Variants in PPA2 observed in about 807,000 individuals in gnomAD.
PPA2 encodes the protein inorganic pyrophosphatase 2.
PPA2 carries 48 observed loss-of-function variants against 49.5 expected under a neutral mutation model. The ratio of observed to expected loss-of-function variants is 0.97; its 90% CI spans 0.77 to 1.23. PPA2 has a LOEUF of 1.23. Ranked by LOEUF, PPA2 falls within the 50% of genes most tolerant of loss-of-function variation. The pLI is 0.00. For synonymous variants in PPA2, 131 were observed against 139.9 expected, an observed-to-expected ratio of 0.94 and a Z score of 0.45; for missense variants, 429 against 410.1, an observed-to-expected ratio of 1.05 and a Z score of -0.40.
At chr4:105,468,078 G>T (rs1723379197) in intron 1 of PPA2, among the ~76,000 whole-genome samples, 1 of 152,148 alleles carries the variant, frequency 6.6e-6, no homozygotes, top group African/African-American at 2.4e-5. Context: ...CACATGGCCT[G>T]GTTTTATTTT....
Position 105,438,042 on chromosome 4 carries a change from AT to A in PPA2, c.442-7del, listed in dbSNP as rs753176486. The A allele has an allele frequency of 4.8e-4, 707 of 1,485,956 alleles. No homozygotes were observed. Among genetic ancestry groups the A allele is most frequent in the Admixed American group, 7.9e-4 (40 of 50,352 alleles). The allele number at this position is 1,485,956 out of a possible 1,614,324, so 92.0% of individuals were successfully genotyped here. On this transcript the variant is annotated splice_region_variant and splice_polypyrimidine_tract_variant and intron_variant, in intron 5 of 11. Transcript: ENST00000341695. Reference sequence around the variant, plus strand: ...TCATGGGGATCTTCCCAAGTCTAAAATTTTTTTTTTAAAAAAAAGCAGAAAT... The same window carrying A: ...TCATGGGGATCTTCCCAAGTCTAAAATTTTTTTTTAAAAAAAAGCAGAAAT...
intron 6 of PPA2, among the ~76,000 whole-genome samples, chr4:105,428,894 A>T (rs1235534493): frequency 1.3e-5 from 2 of 152,244 alleles, no homozygotes; most frequent in Non-Finnish European, 2.9e-5. Context: ...TCACAGAAGA[A>T]ATGAAAACAG....
chr4:105,399,944 C>T (rs1734292109), intron 7 of PPA2, among the ~76,000 whole-genome samples: 1 of 152,140 alleles, frequency 6.6e-6, no homozygotes, highest in South Asian at 2.1e-4. Context: ...TCCATCCTGT[C>T]CAAGACATGA....
intron 7 of PPA2, among the ~76,000 whole-genome samples, chr4:105,419,721 T>A (rs1185424333): frequency 6.6e-6 from 1 of 151,996 alleles, no homozygotes; most frequent in Non-Finnish European, 1.5e-5. Flanking sequence ...TTAATTAGGA[T>A]CAAAAAAGTT....
chr4:105,466,114 T>C (rs938809331), intron 1 of PPA2, among the ~76,000 whole-genome samples: 5 of 152,170 alleles, frequency 3.3e-5, no homozygotes, highest in Admixed American at 6.5e-5. Flanking sequence ...ACTGACTTAC[T>C]TGTTTTAACA....
intron 1 of PPA2, chr4:105,473,461 A>T (rs762211316): frequency 5.2e-6 from 2 of 383,374 alleles, no homozygotes. Context: ...CCGCAGTAGG[A>T]GGTTTCTTAC....
intron 3 of PPA2, among the ~76,000 whole-genome samples, chr4:105,453,174 G>A (rs1366341932): frequency 6.6e-6 from 1 of 152,130 alleles, no homozygotes; most frequent in Non-Finnish European, 1.5e-5. Flanking sequence ...AAAATGAAGT[G>A]GAAATGAAAT....
intron 7 of PPA2, among the ~76,000 whole-genome samples, chr4:105,419,401 T>C (rs952368684): frequency 6.6e-6 from 1 of 152,054 alleles, no homozygotes; most frequent in Non-Finnish European, 1.5e-5. Flanking sequence ...AGTGAGAACA[T>C]GTGGTGTTTG....
chr4:105,442,696 T>C (rs1359162228), intron 5 of PPA2, among the ~76,000 whole-genome samples: 1 of 152,220 alleles, frequency 6.6e-6, no homozygotes, highest in Non-Finnish European at 1.5e-5. Context: ...GGAGATGCTA[T>C]TCAGGCTAAC....
chr4:105,457,650 T>G, intron 1 of PPA2, among the ~76,000 whole-genome samples: 1 of 152,184 alleles, frequency 6.6e-6, no homozygotes, highest in Non-Finnish European at 1.5e-5. Flanking sequence ...CATGGCTCAC[T>G]GCAGCCTCAA....
intron 1 of PPA2, among the ~76,000 whole-genome samples, chr4:105,461,056 C>G (rs1177000695): frequency 1.3e-5 from 2 of 152,006 alleles, no homozygotes; most frequent in East Asian, 1.9e-4. Flanking sequence ...CCTTAGATCT[C>G]AGATAATAAT....
intron 1 of PPA2, among the ~76,000 whole-genome samples, chr4:105,468,693 A>G (rs1251852251): frequency 1.3e-5 from 2 of 152,174 alleles, no homozygotes; most frequent in Admixed American, 1.3e-4. Flanking sequence ...GGGGTCCCCA[A>G]ATACCAGCAT....
intron 7 of PPA2, among the ~76,000 whole-genome samples, chr4:105,408,568 T>C (rs73838091): frequency 0.01 from 1,598 of 152,260 alleles, 31 homozygotes; most frequent in African/African-American, 0.034. Flanking sequence ...GAAAGATATT[T>C]GAGGTCAAAT....
At position 105,399,393 on chromosome 4, in the gene PPA2, A is replaced by G. The variant is rs544439932; in HGVS notation, c.656-229T>C. 3.5e-5 allele frequency: 12 copies of G among 339,496 alleles called. No individual in the cohort carries two copies. In the East Asian group the frequency reaches 5.9e-4, roughly 17 times the overall value. 21.0% of individuals were successfully genotyped at this position (339,496 alleles called of 1,614,324 possible). ...TGCACTCTACAAACATTTACAAAGC[A>G]TCTTCAGACAATGTGCTATGTATGG... On this transcript the variant is annotated intron_variant, in intron 7 of 11. Coordinates refer to ENST00000341695, the MANE Select transcript of PPA2 (RefSeq NM_176869.3).
At chr4:105,449,637 G>C (rs1269036551) in intron 3 of PPA2, among the ~76,000 whole-genome samples, 1 of 152,178 alleles carries the variant, frequency 6.6e-6, no homozygotes, top group African/African-American at 2.4e-5. Context: ...CAGAGGTTAC[G>C]AGTCTGAGAA....
At chr4:105,413,652 G>GT (rs1722866371) in intron 7 of PPA2, among the ~76,000 whole-genome samples, 1 of 152,184 alleles carries the variant, frequency 6.6e-6, no homozygotes, top group African/African-American at 2.4e-5. Context: ...AATGAAATGT[G>GT]TAAGAAAGAC....
chr4:105,405,782 T>C (rs746067325), intron 7 of PPA2: 16 of 554,632 alleles, frequency 2.9e-5, no homozygotes, highest in Non-Finnish European at 4.6e-5. Context: ...AGTAACTTTG[T>C]AGACCCAAGA....
chr4:105,455,345 C>T (rs887702528), intron 2 of PPA2, among the ~76,000 whole-genome samples: 11 of 152,176 alleles, frequency 7.2e-5, no homozygotes, highest in African/African-American at 2.7e-4. Flanking sequence ...TGGACACACA[C>T]AGTAACATAG....
chr4:105,433,489 T>C (rs1471034328), intron 6 of PPA2, among the ~76,000 whole-genome samples: 2 of 152,240 alleles, frequency 1.3e-5, no homozygotes, highest in African/African-American at 4.8e-5. Context: ...AGCAGATTTA[T>C]ATGGGCTCCT....
Sources: allele counts gnomAD v4.1 joint callset (sites outside exome capture counted in the v4.1 genomes callset), GRCh38; gene constraint gnomAD v4.1.1; transcripts MANE v1.5; gene names NCBI Gene and HGNC (gene_info 2026-07-23, HGNC 2026-07-21).